The following BMP5 variants were observed in gnomAD, a reference collection of about 807,000 sequenced individuals.
BMP5 encodes the protein bone morphogenetic protein 5.
Under a neutral mutation model 46.6 loss-of-function variants are expected in BMP5, and 23 were observed. That is an observed-to-expected ratio of 0.49 (90% confidence interval 0.35 to 0.70). The LOEUF (loss-of-function observed/expected upper bound fraction) is 0.70, where lower values mean the gene tolerates loss of function less well. BMP5 is among the 30% of genes least tolerant of loss of function. The pLI, the probability that BMP5 is intolerant of heterozygous loss-of-function variation, is 0.00. For synonymous variants in BMP5, 204 were observed against 191.9 expected (o/e 1.06, Z -0.52); for missense variants, 545 against 565.6 (o/e 0.96, Z 0.37).
chr6:55,850,491 T>C (rs1777212071), intron 1 of BMP5, among the ~76,000 whole-genome samples: 1 of 152,078 alleles, frequency 6.6e-6, no homozygotes, highest in African/African-American at 2.4e-5. Flanking sequence ...TGGGCCCCAG[T>C]GATATATACA....
At chr6:55,813,147 T>A (rs1776173964) in intron 2 of BMP5, among the ~76,000 whole-genome samples, 1 of 152,202 alleles carries the variant, frequency 6.6e-6, no homozygotes, top group Non-Finnish European at 1.5e-5. Flanking sequence ...TTGTTTTGTT[T>A]TGTTTTGATT....
rs1776489336 is a variant in BMP5 at position 55,824,699 on chromosome 6, GAA to G, written c.491-4854_491-4853del. On this transcript the variant is annotated intron_variant, in intron 1 of 6. Coordinates refer to ENST00000370830, the MANE Select transcript of BMP5 (RefSeq NM_021073.4). Reference sequence around the variant, plus strand: ...ATGACATTTCTCTCGTGTGAGAATAGAAAGAGTGTTTAGTAACAAACACTTGT... The same window carrying G: ...ATGACATTTCTCTCGTGTGAGAATAGAGAGTGTTTAGTAACAAACACTTGT... Among the ~76,000 whole-genome samples, 3 of 150,678 alleles carry G rather than the reference GAA, an allele frequency of 2.0e-5. No individual in the cohort carries two copies. The South Asian group carries it at 6.2e-4, about 31-fold the overall frequency.
At chr6:55,862,845 G>T (rs1582129567) in intron 1 of BMP5, among the ~76,000 whole-genome samples, 1 of 152,186 alleles carries the variant, frequency 6.6e-6, no homozygotes, top group East Asian at 1.9e-4. Flanking sequence ...AGTCTTTTTG[G>T]ACTAAAAGGC....
intron 1 of BMP5, among the ~76,000 whole-genome samples, chr6:55,839,074 T>G (rs1185603068): frequency 1.3e-5 from 2 of 152,130 alleles, no homozygotes; most frequent in African/African-American, 4.8e-5. Flanking sequence ...GGTCTATCAA[T>G]GTTCATTTTC....
intron 2 of BMP5, among the ~76,000 whole-genome samples, chr6:55,800,055 C>T (rs973952547): frequency 6.6e-6 from 1 of 152,208 alleles, no homozygotes; most frequent in Non-Finnish European, 1.5e-5. Flanking sequence ...TGTATACACA[C>T]ACACACAACC....
chr6:55,845,134 C>A (rs1283789693), intron 1 of BMP5, among the ~76,000 whole-genome samples: 4 of 151,960 alleles, frequency 2.6e-5, no homozygotes, highest in African/African-American at 9.7e-5. Flanking sequence ...TGGCTAATAT[C>A]TTTACATGGC....
rs1250444485 is a variant in BMP5 at position 55,759,187 on chromosome 6, CAAGAAAA to C, written c.1105-79_1105-73del. The C allele has an allele frequency of 1.6e-4, 70 of 446,040 alleles. 1 individual carries two copies. The highest frequency in any genetic ancestry group is 1.7e-4 in the Non-Finnish European group (52 of 308,868). The allele number at this position is 446,040 out of a possible 1,614,324, so 27.6% of individuals were successfully genotyped here. A position where few individuals can be genotyped will look rare whatever the true frequency, so the allele number is the denominator to read the frequency against. On this transcript the variant is annotated intron_variant, in intron 5 of 6. Transcript: ENST00000370830. ...AAAAAAAAAAAAAAAAAAAAAACAA[CAAGAAAA>C]AATATCACCAAAGTAAAAATTTTTA...
At chr6:55,863,661 T>A (rs1777574318) in intron 1 of BMP5, among the ~76,000 whole-genome samples, 1 of 152,152 alleles carries the variant, frequency 6.6e-6, no homozygotes, top group Admixed American at 6.6e-5. Context: ...AATGTTTAGG[T>A]CAACATGGAT....
At chr6:55,841,657 C>T (rs971502484) in intron 1 of BMP5, among the ~76,000 whole-genome samples, 1 of 152,072 alleles carries the variant, frequency 6.6e-6, no homozygotes, top group Non-Finnish European at 1.5e-5. Flanking sequence ...AGATGGTCAC[C>T]CTCTTGCTGC....
At chr6:55,808,874 T>G (rs573784676) in intron 2 of BMP5, among the ~76,000 whole-genome samples, 95 of 152,248 alleles carry the variant, frequency 6.2e-4, no homozygotes, top group Admixed American at 1.1e-3. Context: ...TTCTTCTCAA[T>G]GGGAGCCTCC....
chr6:55,854,182 A>G (rs1156799533), intron 1 of BMP5, among the ~76,000 whole-genome samples: 1 of 152,088 alleles, frequency 6.6e-6, no homozygotes, highest in Non-Finnish European at 1.5e-5. Context: ...TGTGTGCATG[A>G]AAAAACTTTC....
intron 1 of BMP5, among the ~76,000 whole-genome samples, chr6:55,828,794 G>T (rs541214118): frequency 6.6e-6 from 1 of 151,848 alleles, no homozygotes; most frequent in Admixed American, 6.6e-5. Context: ...TAGTTTAAAG[G>T]ATATGAGGAT....
At chr6:55,785,193 C>A (rs1775418814) in intron 3 of BMP5, among the ~76,000 whole-genome samples, 1 of 151,592 alleles carries the variant, frequency 6.6e-6, no homozygotes, top group Admixed American at 6.6e-5. Flanking sequence ...CATGAAAGAA[C>A]AAATTGATAT....
chr6:55,786,935 T>C (rs1429407282), intron 3 of BMP5, among the ~76,000 whole-genome samples: 2 of 151,702 alleles, frequency 1.3e-5, no homozygotes, highest in East Asian at 1.9e-4. Context: ...GGAAATATTA[T>C]CAAATCTTAG....
chr6:55,768,724 C>CA (rs1214355770), intron 4 of BMP5, among the ~76,000 whole-genome samples: 1 of 151,890 alleles, frequency 6.6e-6, no homozygotes, highest in Non-Finnish European at 1.5e-5. Context: ...TCTTTCTTAG[C>CA]AGTTCTGTAA....
At chr6:55,839,457 C>T (rs544175711) in intron 1 of BMP5, among the ~76,000 whole-genome samples, 32 of 152,074 alleles carry the variant, frequency 2.1e-4, no homozygotes, top group Non-Finnish European at 3.7e-4. Flanking sequence ...GGGAGGACTA[C>T]AGGCATTCAC....
Position 55,769,509 on chromosome 6 carries a change from C to T in BMP5, c.1027+4540G>A, listed in dbSNP as rs559145404. On this transcript the variant is annotated intron_variant, in intron 4 of 6. Transcript: ENST00000370830. ...AGTTCTCTTGCTATTTCTACCACAA[C>T]TGCAATGATTTCCTCCACTGAAGTC... is the stretch of plus-strand genomic sequence containing the variant. 2.0e-5 allele frequency among the ~76,000 whole-genome samples: 3 copies of T among 151,974 alleles called. No homozygotes were observed. In the South Asian group the frequency reaches 6.2e-4, roughly 31 times the overall value.
intron 2 of BMP5, among the ~76,000 whole-genome samples, chr6:55,811,673 C>G (rs1442199721): frequency 6.6e-6 from 1 of 151,606 alleles, no homozygotes; most frequent in African/African-American, 2.4e-5. Context: ...CTCCCTCCTT[C>G]CCTCTCTCTT....
At chr6:55,825,458 C>A (rs1234492291) in intron 1 of BMP5, among the ~76,000 whole-genome samples, 1 of 151,778 alleles carries the variant, frequency 6.6e-6, no homozygotes, top group Non-Finnish European at 1.5e-5. Flanking sequence ...TGAAAAGAAG[C>A]AGAATTGCCT....
Sources: gnomAD v4.1 joint callset for allele counts (sites outside exome capture counted in the v4.1 genomes callset) on GRCh38, gnomAD v4.1.1 for gene constraint, MANE v1.5 for transcripts, NCBI Gene and HGNC (gene_info 2026-07-23, HGNC 2026-07-21) for gene names.